ANTXR2: variants seen among roughly 807,000 people sequenced by gnomAD.
ANTXR2 encodes ANTXR cell adhesion molecule 2.
In ANTXR2, 44 loss-of-function variants were observed where a neutral mutation model predicts 73.7. That is an observed-to-expected ratio of 0.60 (90% CI 0.47 to 0.77). ANTXR2 has a LOEUF of 0.77. Among genes scored for constraint, ANTXR2 ranks in the 30% least tolerant of loss-of-function variants. ANTXR2 has a pLI of 0.00. For synonymous variants in ANTXR2, 217 were observed against 205.9 expected (o/e 1.05, Z -0.46); for missense variants, 604 against 592.5 (o/e 1.02, Z -0.20).
At chr4:79,927,773 A>G (rs1727878987) in intron 16 of ANTXR2, among the ~76,000 whole-genome samples, 2 of 152,212 alleles carry the variant, frequency 1.3e-5, no homozygotes, top group African/African-American at 2.4e-5. Flanking sequence ...ACAAAAAAGT[A>G]GAAGCTGAAA....
chr4:79,915,847 TCTCTCTC>T (rs1727327871), intron 16 of ANTXR2, among the ~76,000 whole-genome samples: 1 of 123,544 alleles, frequency 8.1e-6, no homozygotes, highest in Non-Finnish European at 1.9e-5. Context: ...TCTCTCTCTC[TCTCTCTC>T]TCTCTCTCTA....
At chr4:80,031,167 G>A (rs1217951614) in intron 10 of ANTXR2, among the ~76,000 whole-genome samples, 1 of 151,898 alleles carries the variant, frequency 6.6e-6, no homozygotes, top group Admixed American at 6.6e-5. Flanking sequence ...TGCAAGGTGT[G>A]CCTTTTTTTA....
At position 79,945,414 on chromosome 4, in the gene ANTXR2, G is replaced by A. The variant is rs150387533; in HGVS notation, c.1428+32207C>T. 1.2e-3 allele frequency among the ~76,000 whole-genome samples: 181 copies of A among 152,112 alleles called. 2 individuals carry two copies. Among genetic ancestry groups the A allele is most frequent in the African/African-American group, 4.2e-3 (174 of 41,516 alleles). On this transcript the variant is annotated intron_variant, in intron 16 of 16. Transcript: ENST00000403729. ...TAGAAGAAATTCACTGATTGTTTAT[G>A]TATTGTTATCAATGGCTAAAATAGT...
chr4:79,977,726 T>C (rs551986269), intron 15 of ANTXR2, 25 bp from the exon 16 acceptor site: 2 of 1,551,078 alleles, frequency 1.3e-6, no homozygotes, highest in South Asian at 2.4e-5. Context: ...GATTTGTGAA[T>C]TCCCAGAGAA....
At chr4:80,023,405 T>G (rs1368089533) in intron 10 of ANTXR2, among the ~76,000 whole-genome samples, 1 of 152,224 alleles carries the variant, frequency 6.6e-6, no homozygotes, top group East Asian at 1.9e-4. Flanking sequence ...TTATTACTAG[T>G]TAATTAAATG....
intron 7 of ANTXR2, among the ~76,000 whole-genome samples, chr4:80,041,834 T>C (rs1198964219): frequency 6.6e-6 from 1 of 152,096 alleles, no homozygotes; most frequent in Non-Finnish European, 1.5e-5. Context: ...TTCCATGGTG[T>C]ATATGTACTA....
At chr4:79,952,080 C>T (rs1161262028) in intron 16 of ANTXR2, among the ~76,000 whole-genome samples, 1 of 124,024 alleles carries the variant, frequency 8.1e-6, no homozygotes, top group East Asian at 3.7e-4. Context: ...CCTATCATGT[C>T]CTAATTCTAG....
intron 16 of ANTXR2, among the ~76,000 whole-genome samples, chr4:79,955,313 C>A (rs143605018): frequency 2.8e-3 from 429 of 152,146 alleles, no homozygotes; most frequent in African/African-American, 0.01. Context: ...AGCAAGATAT[C>A]CATTATGGAT....
rs562157449 is a variant in ANTXR2, at chr4:79,974,903, T to C, written c.1428+2718A>G. On this transcript the variant is annotated intron_variant, in intron 16 of 16. Transcript: ENST00000403729. ...CATGTGAAATATTATAGCATTATAATTTAAGAAGAATGTTAAATTTATTTG... is the reference window on the plus strand; with the variant it reads ...CATGTGAAATATTATAGCATTATAACTTAAGAAGAATGTTAAATTTATTTG... 4.9e-4 allele frequency among the ~76,000 whole-genome samples: 75 copies of C among 152,338 alleles called. 2 individuals are homozygous for C. The South Asian group carries it at 0.011, about 23-fold the overall frequency.
At chr4:79,908,207 GATCC>G (rs949887611) in intron 16 of ANTXR2, among the ~76,000 whole-genome samples, 1 of 152,144 alleles carries the variant, frequency 6.6e-6, no homozygotes, top group Non-Finnish European at 1.5e-5. Context: ...TGATACTACT[GATCC>G]ACTGTACCAC....
Position 80,072,646 on chromosome 4 carries a change from C to A in ANTXR2, c.-86G>T, listed in dbSNP as rs377409784. On this transcript the variant is annotated 5_prime_UTR_variant, in exon 1 of 17. Coordinates refer to ENST00000403729, the MANE Select transcript of ANTXR2 (RefSeq NM_058172.6). ...CAAAGGTGGCGGGAGTCACCCGGCA[C>A]GCACTCTGGGGTGGGGGGCGGCGAG... 3 of 1,354,804 alleles carry A rather than the reference C, an allele frequency of 2.2e-6. No individual in the cohort carries two copies. The highest frequency in any genetic ancestry group is 3.6e-5 in the South Asian group (2 of 56,038). 83.9% of individuals were successfully genotyped at this position (1,354,804 alleles called of 1,614,324 possible).
rs1006447015 is a variant in ANTXR2, at chr4:80,031,689, A to G, written c.800T>C (p.Val267Ala). ...ATTAAGCTGTACACTTACTGGTTTT[A>G]CACCTAGAAAATAAAATGCCACTGA... ...YTVNETYTTS[V>A]KPVSVQLNSM... Residue 267 changes from valine to alanine, a missense_variant, in exon 10 of 17, where the codon GTA (valine) becomes GCA (alanine). Coordinates refer to ENST00000403729, the MANE Select transcript of ANTXR2 (RefSeq NM_058172.6). The G allele has an allele frequency of 1.5e-5, 22 of 1,482,190 alleles. No individual in the cohort carries two copies. Among genetic ancestry groups the G allele is most frequent in the Non-Finnish European group, 1.7e-5 (19 of 1,120,588 alleles). 91.8% of individuals were successfully genotyped at this position (1,482,190 alleles called of 1,614,324 possible).
At chr4:80,064,118 A>T (rs1384622889) in intron 3 of ANTXR2, among the ~76,000 whole-genome samples, 1 of 152,218 alleles carries the variant, frequency 6.6e-6, no homozygotes, top group Non-Finnish European at 1.5e-5. Flanking sequence ...AGAAATGTGT[A>T]TATTGTCCAA....
intron 10 of ANTXR2, among the ~76,000 whole-genome samples, chr4:80,022,648 G>A (rs191374294): frequency 1.3e-5 from 2 of 152,272 alleles, no homozygotes; most frequent in East Asian, 1.9e-4. Flanking sequence ...CTTCTAGTTA[G>A]TATGTTTCTG....
In ANTXR2 at chr4:80,071,668, T is replaced by C. The variant is rs758268021; in HGVS notation, c.153-14A>G. On this transcript the variant is annotated splice_polypyrimidine_tract_variant and intron_variant, in intron 1 of 16. Transcript: ENST00000403729. ...ACACTCCCAGACCTGAAAGATGAAA[T>C]TGAACTGATCAGAGAAACAAAACAC... The C allele has an allele frequency of 6.3e-7, 1 of 1,598,504 alleles. No homozygotes were observed. Among genetic ancestry groups the C allele is most frequent in the South Asian group, 1.1e-5 (1 of 90,680 alleles).
chr4:79,913,961 CAA>C (rs1370089403), intron 16 of ANTXR2, among the ~76,000 whole-genome samples: 1 of 152,140 alleles, frequency 6.6e-6, no homozygotes, highest in Non-Finnish European at 1.5e-5. Context: ...ATGCCTGTGT[CAA>C]GTCAGATCAC....
intron 11 of ANTXR2, among the ~76,000 whole-genome samples, chr4:80,015,898 AAGG>A (rs551506635): frequency 5.3e-4 from 44 of 82,302 alleles, no homozygotes; most frequent in East Asian, 3.3e-3. Context: ...AAGGAAAGGA[AAGG>A]AAAGGAAAGG....
At chr4:79,952,149 A>AAT (rs1728730894) in intron 16 of ANTXR2, among the ~76,000 whole-genome samples, 1 of 151,066 alleles carries the variant, frequency 6.6e-6, no homozygotes, top group South Asian at 2.1e-4. Context: ...GGAGTTTTCA[A>AAT]ATATATATAA....
At chr4:80,021,057 G>A (rs185716376) in intron 10 of ANTXR2, among the ~76,000 whole-genome samples, 2 of 147,320 alleles carry the variant, frequency 1.4e-5, no homozygotes, top group East Asian at 4.2e-4. Context: ...GCTGAGGCTG[G>A]AGAATCACTT....
Sources: gnomAD v4.1 joint callset for allele counts (sites outside exome capture counted in the v4.1 genomes callset) on GRCh38, gnomAD v4.1.1 for gene constraint, MANE v1.5 for transcripts, NCBI Gene and HGNC (gene_info 2026-07-23, HGNC 2026-07-21) for gene names.